Variants in RNF20 observed in about 807,000 individuals in gnomAD.
RNF20 encodes E3 ubiquitin-protein ligase BRE1A.
RNF20 carries 84 observed loss-of-function variants against 126.2 expected under a neutral mutation model. The ratio of observed to expected loss-of-function variants is 0.67; its 90% CI spans 0.56 to 0.80. The LOEUF (loss-of-function observed/expected upper bound fraction) is 0.80, where lower values mean the gene tolerates loss of function less well. Ranked by LOEUF, RNF20 falls within the 30% of genes least tolerant of loss-of-function variation. RNF20 has a pLI of 0.00. For missense variants in RNF20, 869 were observed against 1,188.2 expected (o/e 0.73, Z 3.95); for synonymous variants, 400 against 414.3 (o/e 0.97, Z 0.42).
rs1437224034 is a variant in RNF20 at position 101,561,888 on chromosome 9, T to C, written c.2650-22T>C. The stretch of plus-strand genomic sequence containing the variant: ...GATAGATTTGGGTAAGTGTGTCTAA[T>C]GGGTATGCTATCCTGCCACAGGAGG... On this transcript the variant is annotated intron_variant, in intron 18 of 19. Transcript: ENST00000389120. 3 of 1,509,228 alleles carry C rather than the reference T, an allele frequency of 2.0e-6. No individual in the cohort carries two copies. The African/African-American group carries it at 4.1e-5, about 21-fold the overall frequency. 93.5% of individuals were successfully genotyped at this position (1,509,228 alleles called of 1,614,324 possible).
chr9:101,552,357 C>A, intron 12 of RNF20, 26 bp from the exon 13 acceptor site: 1 of 1,607,252 alleles, frequency 6.2e-7, no homozygotes, highest in Non-Finnish European at 8.5e-7. Context: ...AAGAGATGTG[C>A]ATCTTTCTTT....
chr9:101,542,335 C>T (rs574678203), intron 5 of RNF20, among the ~76,000 whole-genome samples: 2 of 152,308 alleles, frequency 1.3e-5, no homozygotes, highest in South Asian at 4.1e-4. Flanking sequence ...AAAAGTTTCC[C>T]CATTCTCATT....
intron 16 of RNF20, among the ~76,000 whole-genome samples, chr9:101,560,448 T>C (rs1181495228): frequency 1.3e-5 from 2 of 152,226 alleles, no homozygotes; most frequent in Non-Finnish European, 2.9e-5. Context: ...TTAGAATGTC[T>C]AGCCATTCTG....
chr9:101,557,616 CT>C lies in RNF20; in HGVS notation c.2382+23del. The C allele has an allele frequency of 1.3e-6, 2 of 1,540,180 alleles. No homozygotes were observed. The highest frequency in any genetic ancestry group is 2.2e-5 in the South Asian group (2 of 89,136). On this transcript the variant is annotated intron_variant, in intron 16 of 19. Transcript: ENST00000389120. ...ACTCAGGTAATTAGGATGAGTAGAG[CT>C]TTCTATTCTGTTGAAATAGGGTGCT...
In RNF20 at chr9:101,552,615, A is replaced by T. The variant is rs537533791; in HGVS notation, c.1763A>T (p.Lys588Met). Reference protein sequence around the residue: ...REREREREKEKEREREKQKLK... With the variant: ...REREREREKEMEREREKQKLK... ...CGAGAAAGAGAACGGGAGAAGGAGA[A>T]GGAGAGAGAACGAGAGAAGCAGAAG... Residue 588 changes from lysine to methionine, a missense_variant, in exon 13 of 20, where the codon AAG becomes ATG. By Grantham distance (95) the Lys-to-Met change is moderately conservative (BLOSUM62 -1). Around this residue, in one of 8 missense-constraint regions of RNF20, gnomAD observed 231 missense variants for 263.6 expected, o/e 0.88. Coordinates refer to ENST00000389120, the MANE Select transcript of RNF20 (RefSeq NM_019592.7). The T allele has an allele frequency of 7.1e-6, 11 of 1,546,566 alleles. No homozygotes were observed. The African/African-American group carries it at 1.4e-4, about 19-fold the overall frequency.
chr9:101,540,748 G>T (rs1463625117), intron 4 of RNF20, 45 bp from the exon 5 acceptor site: 13 of 1,594,500 alleles, frequency 8.2e-6, no homozygotes, highest in South Asian at 1.1e-5. Flanking sequence ...GTTATTTCCA[G>T]TTTATAATTT....
chr9:101,547,200 A>G lies in RNF20; in HGVS notation c.958A>G (p.Ile320Val). The change falls in exon 8 of 20, where the codon ATC becomes GTC. Residue 320 changes from isoleucine (I) to valine (V), a missense_variant. By Grantham distance (29) the Ile-to-Val change is conservative. This residue lies in a region of RNF20 where 153 missense variants were observed against 226.4 expected (regional missense o/e 0.68). Transcript: ENST00000389120. ...CAGTCTGTATGGCGGCACAATCACT[A>G]TCAATGCTCGGAAGGTAAAATCAGT... ...GSSLYGGTIT[I>V]NARKFEEMNA... 6.2e-7 allele frequency: 1 copy of G among 1,614,102 alleles called. No individual in the cohort carries two copies. Among genetic ancestry groups the G allele is most frequent in the Non-Finnish European group, 8.5e-7 (1 of 1,179,978 alleles).
At chr9:101,559,408 G>A (rs1375709090) in intron 16 of RNF20, among the ~76,000 whole-genome samples, 2 of 152,126 alleles carry the variant, frequency 1.3e-5, no homozygotes, top group African/African-American at 4.8e-5. Context: ...ATGCGTTTTA[G>A]GATTGTTTGT....
intron 2 of RNF20, among the ~76,000 whole-genome samples, chr9:101,537,975 A>G (rs887687968): frequency 6.6e-6 from 1 of 152,190 alleles, no homozygotes; most frequent in Non-Finnish European, 1.5e-5. Context: ...TATCGCTGTA[A>G]AGTAGATGAC....
Position 101,552,610 on chromosome 9 carries a change from G to C in RNF20, c.1758G>C (p.Lys586Asn). ...KERERERERE[K>N]EKEREREKQK... Reference sequence around the variant, plus strand: ...GGGAACGAGAAAGAGAACGGGAGAAGGAGAAGGAGAGAGAACGAGAGAAGC... The same window carrying C: ...GGGAACGAGAAAGAGAACGGGAGAACGAGAAGGAGAGAGAACGAGAGAAGC... Residue 586 changes from lysine to asparagine, a missense_variant, in exon 13 of 20, where the codon AAG becomes AAC. By Grantham distance (94) the Lys-to-Asn change is moderately conservative. Around this residue, in one of 8 missense-constraint regions of RNF20, gnomAD observed 231 missense variants for 263.6 expected, o/e 0.88. Coordinates refer to ENST00000389120, the MANE Select transcript of RNF20 (RefSeq NM_019592.7). 6.4e-7 allele frequency: 1 copy of C among 1,551,500 alleles called. No homozygotes were observed. Among genetic ancestry groups the C allele is most frequent in the Non-Finnish European group, 8.9e-7 (1 of 1,123,080 alleles).
intron 9 of RNF20, 56 bp from the exon 10 acceptor site, chr9:101,550,550 T>G: frequency 6.7e-7 from 1 of 1,486,596 alleles, no homozygotes; most frequent in Admixed American, 2.0e-5. Flanking sequence ...ACTTCCTGTC[T>G]AGCGTCTGGG....
At position 101,562,511 on chromosome 9, in the gene RNF20, C is replaced by T; in HGVS notation, c.*89C>T. The T allele has an allele frequency of 7.9e-7, 1 of 1,259,334 alleles. No individual in the cohort carries two copies. Among genetic ancestry groups the T allele is most frequent in the East Asian group, 2.6e-5 (1 of 39,194 alleles). 78.0% of individuals were successfully genotyped at this position (1,259,334 alleles called of 1,614,324 possible). On this transcript the variant is annotated 3_prime_UTR_variant, in exon 20 of 20. Transcript: ENST00000389120. Reference sequence around the variant, plus strand: ...TACCTCTTCTCTCCTTGACTGTCACCTGTAGGACAGTTTATCAGTCAACTA... The same window carrying T: ...TACCTCTTCTCTCCTTGACTGTCACTTGTAGGACAGTTTATCAGTCAACTA...
intron 9 of RNF20, among the ~76,000 whole-genome samples, chr9:101,548,321 A>T (rs1187478842): frequency 6.6e-6 from 1 of 152,288 alleles, no homozygotes; most frequent in South Asian, 2.1e-4. Context: ...GGTGGTTACC[A>T]GGGTTGGGGA....
intron 5 of RNF20, among the ~76,000 whole-genome samples, chr9:101,543,524 C>T (rs1279205821): frequency 6.9e-6 from 1 of 144,366 alleles, no homozygotes; most frequent in Admixed American, 7.1e-5. Flanking sequence ...GCAGTACTGT[C>T]CAACCCTGCC....
At chr9:101,557,276 CT>C in intron 15 of RNF20, 107 bp from the exon 16 acceptor site, 1 of 769,386 alleles carries the variant, frequency 1.3e-6, no homozygotes. Context: ...AACTCTGTCA[CT>C]AAATTAATTT....
At chr9:101,556,401 A>G (rs960825460) in intron 15 of RNF20, among the ~76,000 whole-genome samples, 1 of 152,192 alleles carries the variant, frequency 6.6e-6, no homozygotes, top group Non-Finnish European at 1.5e-5. Flanking sequence ...AGTACACATG[A>G]TACTTATTAT....
chr9:101,552,873 T>G, intron 13 of RNF20, 120 bp downstream of exon 13: 1 of 1,068,110 alleles, frequency 9.4e-7, no homozygotes, highest in South Asian at 1.8e-5. Flanking sequence ...GATTGTACAA[T>G]TAATTTGGTT....
intron 9 of RNF20, among the ~76,000 whole-genome samples, chr9:101,549,804 GC>G (rs1465666757): frequency 6.6e-6 from 1 of 152,148 alleles, no homozygotes; most frequent in African/African-American, 2.4e-5. Context: ...TCTCTGTATG[GC>G]CTGGTTTTTC....
rs147011984 is a variant in RNF20 at position 101,539,274 on chromosome 9, C to T, written c.130-929C>T. Among the ~76,000 whole-genome samples the T allele has an allele frequency of 3.7e-3, 565 of 152,068 alleles. 3 individuals are homozygous for T. The highest frequency in any genetic ancestry group is 0.013 in the African/African-American group (539 of 41,460). On this transcript the variant is annotated intron_variant, in intron 2 of 19. Coordinates refer to ENST00000389120, the MANE Select transcript of RNF20 (RefSeq NM_019592.7). ...CTAAGAATTCATTTTGTAAAGGCAC[C>T]GGTTTCGGTGGTTTGATGAACTTCT...
Sources: gnomAD v4.1 joint callset for allele counts (sites outside exome capture counted in the v4.1 genomes callset) on GRCh38, gnomAD v4.1.1 for gene constraint, gnomAD v4.1.1 regional missense constraint, MANE v1.5 for transcripts, NCBI Gene and HGNC (gene_info 2026-07-23, HGNC 2026-07-21) for gene names.